Variants in TSPAN7 observed in about 807,000 individuals in gnomAD.
TSPAN7 encodes tetraspanin-7.
TSPAN7 carries 1 observed loss-of-function variant against 17.6 expected under a neutral mutation model. The ratio of observed to expected loss-of-function variants is 0.06; its 90% CI spans 0.02 to 0.27. The LOEUF (loss-of-function observed/expected upper bound fraction) is 0.27, where lower values mean the gene tolerates loss of function less well. TSPAN7 is among the 10% of genes least tolerant of loss of function. TSPAN7 has a pLI of 1.00. For missense variants in TSPAN7, 112 were observed against 201.7 expected (o/e 0.56, Z 2.69); for synonymous variants, 78 against 79.0 (o/e 0.99, Z 0.07).
chrX:38,669,566 T>C (rs2069806898), intron 2 of TSPAN7, among the ~76,000 whole-genome samples: 1 of 112,116 alleles, frequency 8.9e-6, no homozygotes, highest in African/African-American at 3.3e-5. Flanking sequence ...ATGCTTTCTG[T>C]AGGTAAAACG....
In TSPAN7 at chrX:38,687,471, T is replaced by G. The variant is rs2069933137; in HGVS notation, c.682-128T>G. The G allele has an allele frequency of 1.3e-5, 7 of 543,823 alleles. No individual in the cohort carries two copies. In the Admixed American group the frequency reaches 1.7e-4, roughly 13 times the overall value. 44.8% of individuals were successfully genotyped at this position (543,823 alleles called of 1,213,427 possible). ...CAGAAACACTTGGTTGTTAAAAAAT[T>G]ATGTCTAGTGATACGCATATGTCAA... On this transcript the variant is annotated intron_variant, in intron 6 of 7. Coordinates refer to ENST00000378482, the MANE Select transcript of TSPAN7 (RefSeq NM_004615.4).
chrX:38,644,922 C>T (rs2069636184), intron 1 of TSPAN7, among the ~76,000 whole-genome samples: 1 of 112,001 alleles, frequency 8.9e-6, no homozygotes, highest in Non-Finnish European at 1.9e-5. Flanking sequence ...TGCCAAAGGT[C>T]TCCCGGCCGG....
At chrX:38,670,940 T>C (rs1188741139) in intron 2 of TSPAN7, among the ~76,000 whole-genome samples, 1 of 112,324 alleles carries the variant, frequency 8.9e-6, no homozygotes, top group Non-Finnish European at 1.9e-5. Flanking sequence ...CCGCAGGGAA[T>C]TGGCTTGCAG....
At chrX:38,591,442 A>G (rs1381037335) in intron 1 of TSPAN7, among the ~76,000 whole-genome samples, 1 of 111,963 alleles carries the variant, frequency 8.9e-6, no homozygotes, top group Non-Finnish European at 1.9e-5. Flanking sequence ...TTTAATAGCC[A>G]AGAATGTAGC....
chrX:38,563,834 C>G (rs1356260586), intron 1 of TSPAN7, among the ~76,000 whole-genome samples: 1 of 111,601 alleles, frequency 9.0e-6, no homozygotes, highest in Non-Finnish European at 1.9e-5. Flanking sequence ...TCATTTCATA[C>G]TTACAACCAA....
intron 1 of TSPAN7, among the ~76,000 whole-genome samples, chrX:38,625,147 A>T (rs1183710143): frequency 9.0e-6 from 1 of 111,532 alleles, no homozygotes; most frequent in Non-Finnish European, 1.9e-5. Flanking sequence ...GAGCAGATAC[A>T]TTTCCCACCC....
chrX:38,673,935 C>T (rs1430418430), intron 3 of TSPAN7, among the ~76,000 whole-genome samples: 1 of 111,285 alleles, frequency 9.0e-6, no homozygotes, highest in Admixed American at 9.6e-5. Context: ...GGCAGCTCAC[C>T]ATCACAGGCC....
In TSPAN7 at chrX:38,576,270, A is replaced by G. The variant is rs2069193651; in HGVS notation, c.81+14643A>G. 2.7e-5 allele frequency among the ~76,000 whole-genome samples: 3 copies of G among 111,649 alleles called. No individual in the cohort carries two copies. In the South Asian group the frequency reaches 1.1e-3, roughly 42 times the overall value. Reference sequence around the variant, plus strand: ...AAAATCTAAAGTTTAATATGGGCCTATTGGAGTGGGAATGAAGAAAGGCTC... The same window carrying G: ...AAAATCTAAAGTTTAATATGGGCCTGTTGGAGTGGGAATGAAGAAAGGCTC... On this transcript the variant is annotated intron_variant, in intron 1 of 7. Coordinates refer to ENST00000378482, the MANE Select transcript of TSPAN7 (RefSeq NM_004615.4).
chrX:38,630,854 G>C (rs1447112939), intron 1 of TSPAN7, among the ~76,000 whole-genome samples: 3 of 111,688 alleles, frequency 2.7e-5, no homozygotes, highest in Non-Finnish European at 3.8e-5. Context: ...AGTGAACAGT[G>C]CTCATTTCTA....
intron 1 of TSPAN7, among the ~76,000 whole-genome samples, chrX:38,660,342 G>A (rs1474857231): frequency 8.9e-6 from 1 of 111,935 alleles, no homozygotes; most frequent in Non-Finnish European, 1.9e-5. Context: ...CATTATACAA[G>A]CTGCTGGTTT....
rs900939545 is a variant in TSPAN7, at chrX:38,681,254, C to T, written c.648C>T (p.Ile216=). ...TSFMETNMGI[I]AGVAFGIAFS... is the part of the protein sequence containing the mutation. Reference sequence around the variant, plus strand: ...TCATGGAGACTAACATGGGAATCATCGCTGGAGTGGCGTTTGGAATCGCAT... The same window carrying T: ...TCATGGAGACTAACATGGGAATCATTGCTGGAGTGGCGTTTGGAATCGCAT... Residue 216 remains isoleucine (I), a synonymous_variant, in exon 6 of 8, where the codon ATC becomes ATT. Coordinates refer to ENST00000378482, the MANE Select transcript of TSPAN7 (RefSeq NM_004615.4). The T allele has an allele frequency of 1.8e-5, 22 of 1,208,332 alleles. No homozygotes were observed. The highest frequency in any genetic ancestry group is 3.5e-5 in the African/African-American group (2 of 56,926).
At chrX:38,591,478 G>T (rs370780000) in intron 1 of TSPAN7, among the ~76,000 whole-genome samples, 1 of 111,881 alleles carries the variant, frequency 8.9e-6, no homozygotes, top group South Asian at 3.7e-4. Context: ...TTCCATTTGT[G>T]CTAGAAAAGA....
At chrX:38,685,406 G>A (rs181307242) in intron 6 of TSPAN7, among the ~76,000 whole-genome samples, 11 of 111,904 alleles carry the variant, frequency 9.8e-5, no homozygotes, top group Admixed American at 8.5e-4. Flanking sequence ...CATCACTTGA[G>A]CCCAGGAGTT....
chrX:38,585,106 G>A (rs772974684), intron 1 of TSPAN7, among the ~76,000 whole-genome samples: 1 of 111,380 alleles, frequency 9.0e-6, no homozygotes, highest in Admixed American at 9.5e-5. Flanking sequence ...TTCCATTATC[G>A]GACATTTGGG....
At position 38,639,696 on chromosome X, in the gene TSPAN7, G is replaced by T. The variant is rs1050801562; in HGVS notation, c.82-26425G>T. Among the ~76,000 whole-genome samples, 8 of 107,899 alleles carry T rather than the reference G, an allele frequency of 7.4e-5. No homozygotes were observed. In the Admixed American group the frequency reaches 8.1e-4, roughly 11 times the overall value. 93.7% of individuals were successfully genotyped at this position (107,899 alleles called of 115,157 possible). On this transcript the variant is annotated intron_variant, in intron 1 of 7. Coordinates refer to ENST00000378482, the MANE Select transcript of TSPAN7 (RefSeq NM_004615.4). ...CTTGGGTTGCGGTTCTTATGGGATGGTTCTATTGCTTCTTCTTTGGTTTGG... is the reference window on the plus strand; with the variant it reads ...CTTGGGTTGCGGTTCTTATGGGATGTTTCTATTGCTTCTTCTTTGGTTTGG...
chrX:38,656,201 A>G, intron 1 of TSPAN7: 1 of 197,612 alleles, frequency 5.1e-6, no homozygotes, highest in South Asian at 8.0e-5. Flanking sequence ...GGAGGAAAGG[A>G]TTTATTCCTT....
chrX:38,590,822 AT>A (rs1478438300), intron 1 of TSPAN7, among the ~76,000 whole-genome samples: 1 of 111,800 alleles, frequency 8.9e-6, no homozygotes, highest in African/African-American at 3.2e-5. Flanking sequence ...TTGGCATAAC[AT>A]TTTTAATAAT....
At position 38,659,171 on chromosome X, in the gene TSPAN7, A is replaced by G. The variant is rs186495573; in HGVS notation, c.82-6950A>G. Among the ~76,000 whole-genome samples the G allele has an allele frequency of 2.9e-3, 320 of 111,922 alleles. 1 individual carries two copies. Among genetic ancestry groups the G allele is most frequent in the Non-Finnish European group, 4.8e-3 (257 of 53,222 alleles). The stretch of plus-strand genomic sequence containing the variant: ...ACAGTGGGATCTTCTTATAAAAAGT[A>G]AAGCTTTTGTTATGCTAGTGAGCTT... On this transcript the variant is annotated intron_variant, in intron 1 of 7. Coordinates refer to ENST00000378482, the MANE Select transcript of TSPAN7 (RefSeq NM_004615.4).
In TSPAN7 at chrX:38,670,236, T is replaced by A. The variant is rs2069811532; in HGVS notation, c.271-1140T>A. On this transcript the variant is annotated intron_variant, in intron 2 of 7. Coordinates refer to ENST00000378482, the MANE Select transcript of TSPAN7 (RefSeq NM_004615.4). ...AATTCCACAGCATTGTTTAGGGCCA[T>A]TGCAAATGTTCAAAACCATTATATT... Among the ~76,000 whole-genome samples the A allele has an allele frequency of 6.3e-5, 7 of 111,960 alleles. No homozygotes were observed. The South Asian group carries it at 2.6e-3, about 42-fold the overall frequency.
Sources: gnomAD v4.1 joint callset for allele counts (sites outside exome capture counted in the v4.1 genomes callset) on GRCh38, gnomAD v4.1.1 for gene constraint, MANE v1.5 for transcripts, NCBI Gene and HGNC (gene_info 2026-07-23, HGNC 2026-07-21) for gene names.